PDE7B: variants seen among roughly 807,000 people sequenced by gnomAD.
The protein encoded by PDE7B is 3',5'-cyclic-AMP phosphodiesterase 7B.
PDE7B carries 29 observed loss-of-function variants against 56.2 expected under a neutral mutation model. The ratio of observed to expected loss-of-function variants is 0.52; its 90% confidence interval spans 0.38 to 0.70. PDE7B has a LOEUF of 0.70. Among genes scored for constraint, PDE7B ranks in the 30% least tolerant of loss-of-function variants. The probability of loss-of-function intolerance (pLI) is 0.00; values close to 1 mark genes in which losing one functional copy is unlikely to be tolerated. For synonymous variants in PDE7B, 197 were observed against 196.9 expected, an observed-to-expected ratio of 1.00 and a Z score of 0.00; for missense variants, 490 against 565.0, an observed-to-expected ratio of 0.87 and a Z score of 1.35.
At chr6:136,011,991 A>G (rs1318294273) in intron 2 of PDE7B, among the ~76,000 whole-genome samples, 10 of 152,180 alleles carry the variant, frequency 6.6e-5, no homozygotes. Context: ...TAGAAGATCG[A>G]TTCTAAGTCA....
intron 2 of PDE7B, among the ~76,000 whole-genome samples, chr6:135,973,006 T>C (rs1217800767): frequency 3.3e-5 from 5 of 152,206 alleles, no homozygotes. Flanking sequence ...ATCTGCCCTT[T>C]TAACAAATGT....
At chr6:136,109,437 C>CT (rs895126399) in intron 3 of PDE7B, among the ~76,000 whole-genome samples, 135 of 152,354 alleles carry the variant, frequency 8.9e-4, no homozygotes, top group African/African-American at 3.1e-3. Context: ...CAGAGCTAGA[C>CT]TAGGTGAGAT....
intron 1 of PDE7B, among the ~76,000 whole-genome samples, chr6:135,857,048 C>CCCTCCCTT (rs1562412223): frequency 2.3e-4 from 16 of 70,058 alleles, no homozygotes; most frequent in South Asian, 1.9e-3. Flanking sequence ...CTCCCTCCCT[C>CCCTCCCTT]CCTCCCTTCC....
intron 2 of PDE7B, among the ~76,000 whole-genome samples, chr6:136,081,087 C>G (rs1294436183): frequency 6.6e-6 from 1 of 152,152 alleles, no homozygotes; most frequent in Non-Finnish European, 1.5e-5. Flanking sequence ...GAGAATTGGA[C>G]AGAGTCAGAT....
intron 2 of PDE7B, among the ~76,000 whole-genome samples, chr6:136,081,141 GA>G (rs1249456901): frequency 2.0e-4 from 30 of 152,156 alleles, no homozygotes; most frequent in Admixed American, 1.8e-3. Context: ...TACAGTCATA[GA>G]AGGGTTTTTA....
chr6:136,076,735 TTAA>T (rs1005470783), intron 2 of PDE7B, among the ~76,000 whole-genome samples: 32 of 152,154 alleles, frequency 2.1e-4, no homozygotes, highest in South Asian at 2.1e-4. Flanking sequence ...GCTTCTGAAC[TTAA>T]TAATGCACTC....
chr6:136,151,200 C>T lies in PDE7B; in HGVS notation c.423C>T (p.Thr141=). Residue 141 remains threonine, a synonymous_variant, in exon 6 of 13, where the codon ACC becomes ACT. Transcript: ENST00000308191. ...CACTGTTGTGCCACCTCTTCAATACCCATGGACTCATTCACCATTTCAAGT... is the reference window on the plus strand; with the variant it reads ...CACTGTTGTGCCACCTCTTCAATACTCATGGACTCATTCACCATTTCAAGT... ...LVTLLCHLFN[T]HGLIHHFKLD... 6.2e-7 allele frequency: 1 copy of T among 1,611,934 alleles called. No individual in the cohort carries two copies. The highest frequency in any genetic ancestry group is 8.5e-7 in the Non-Finnish European group (1 of 1,178,178).
intron 9 of PDE7B, among the ~76,000 whole-genome samples, chr6:136,174,190 C>A (rs748790665): frequency 6.6e-6 from 1 of 152,108 alleles, no homozygotes; most frequent in Non-Finnish European, 1.5e-5. Context: ...GCCAAATTCC[C>A]GACCTTTAGT....
At chr6:136,033,517 C>T (rs1466746127) in intron 2 of PDE7B, among the ~76,000 whole-genome samples, 4 of 152,234 alleles carry the variant, frequency 2.6e-5, no homozygotes, top group South Asian at 2.1e-4. Context: ...CTGTTGCTCC[C>T]ACAGTTAATA....
At chr6:136,156,588 C>T (rs1257285443) in intron 8 of PDE7B, among the ~76,000 whole-genome samples, 1 of 152,128 alleles carries the variant, frequency 6.6e-6, no homozygotes, top group Non-Finnish European at 1.5e-5. Context: ...CTACCTATAT[C>T]AGTCACCTGT....
intron 4 of PDE7B, among the ~76,000 whole-genome samples, chr6:136,148,446 T>TGGGAGGGA (rs1166710987): frequency 3.1e-4 from 3 of 9,750 alleles, no homozygotes; most frequent in Non-Finnish European, 4.0e-4. Context: ...GAGAGGAGGG[T>TGGGAGGGA]GGGAGGGAGG....
chr6:135,944,423 A>G (rs1774558286), intron 1 of PDE7B, among the ~76,000 whole-genome samples: 1 of 152,090 alleles, frequency 6.6e-6, no homozygotes, highest in Admixed American at 6.6e-5. Context: ...AAGCCCTGAG[A>G]ACAATCAGAT....
Position 136,037,057 on chromosome 6 carries a change from T to C in PDE7B, c.83-71674T>C, listed in dbSNP as rs368230945. 1.3e-4 allele frequency among the ~76,000 whole-genome samples: 20 copies of C among 152,330 alleles called. No homozygotes were observed. In the East Asian group the frequency reaches 1.5e-3, roughly 12 times the overall value. ...CAAGAGGCATGGCCCACAGTTGATG[T>C]TGCCCTCGATTCAACCACTCTCAGG... On this transcript the variant is annotated intron_variant, in intron 2 of 12. Transcript: ENST00000308191.
intron 1 of PDE7B, 138 bp downstream of exon 1, chr6:135,852,157 T>C (rs911696501): frequency 4.4e-6 from 3 of 687,872 alleles, no homozygotes; most frequent in Admixed American, 2.3e-5. Context: ...AGCAACCAGC[T>C]TTTGAATTTC....
chr6:135,946,930 A>T (rs1218054281), intron 1 of PDE7B, among the ~76,000 whole-genome samples: 2 of 152,078 alleles, frequency 1.3e-5, no homozygotes, highest in East Asian at 1.9e-4. Context: ...AAGAAAGTTG[A>T]TATTTCCGTA....
intron 3 of PDE7B, among the ~76,000 whole-genome samples, chr6:136,129,792 C>T (rs1778085038): frequency 6.6e-6 from 1 of 152,234 alleles, no homozygotes; most frequent in Admixed American, 6.5e-5. Flanking sequence ...TCTCCACCTT[C>T]TGCTTCTCTC....
At chr6:135,998,082 T>C (rs1775596712) in intron 2 of PDE7B, among the ~76,000 whole-genome samples, 1 of 152,222 alleles carries the variant, frequency 6.6e-6, no homozygotes, top group Non-Finnish European at 1.5e-5. Context: ...CTAAGACTCC[T>C]ATAATTAACT....
intron 2 of PDE7B, among the ~76,000 whole-genome samples, chr6:136,022,701 G>A (rs1480349052): frequency 6.6e-6 from 1 of 152,180 alleles, no homozygotes; most frequent in Non-Finnish European, 1.5e-5. Context: ...GCAAGTGGGA[G>A]CCATTGCCCT....
At position 136,056,200 on chromosome 6, in the gene PDE7B, C is replaced by T. The variant is rs576001843; in HGVS notation, c.83-52531C>T. Among the ~76,000 whole-genome samples the T allele has an allele frequency of 1.5e-3, 226 of 152,244 alleles. 3 individuals carry two copies. The highest frequency in any genetic ancestry group is 2.6e-3 in the Non-Finnish European group (179 of 68,030). On this transcript the variant is annotated intron_variant, in intron 2 of 12. Transcript: ENST00000308191. ...CCTGACAGCTCACCAAGGTCAAGGTCGACAGTTGCTATACGTCTTCAGTCT... is the reference window on the plus strand; with the variant it reads ...CCTGACAGCTCACCAAGGTCAAGGTTGACAGTTGCTATACGTCTTCAGTCT...
Sources: allele counts gnomAD v4.1 joint callset (sites outside exome capture counted in the v4.1 genomes callset), GRCh38; gene constraint gnomAD v4.1.1; transcripts MANE v1.5; gene names NCBI Gene and HGNC (gene_info 2026-07-23, HGNC 2026-07-21).